PLEKHG5: variants seen among roughly 807,000 people sequenced by gnomAD.
PLEKHG5 encodes pleckstrin homology and RhoGEF domain containing G5.
In PLEKHG5, 52 loss-of-function variants were observed where a neutral mutation model predicts 103.8. That is an observed-to-expected ratio of 0.50 (90% CI 0.40 to 0.63). The LOEUF (loss-of-function observed/expected upper bound fraction) is 0.63. Among genes scored for constraint, PLEKHG5 ranks in the 30% least tolerant of loss-of-function variants. PLEKHG5 has a pLI of 0.00. For missense variants in PLEKHG5, 1,205 were observed against 1,347.6 expected (o/e 0.89, Z 1.66); for synonymous variants, 592 against 575.5 (o/e 1.03, Z -0.41).
Position 6,470,984 on chromosome 1 carries a change from C to T in PLEKHG5, c.1392+6G>A. The T allele has an allele frequency of 3.8e-6, 6 of 1,595,170 alleles. No individual in the cohort carries two copies. Among genetic ancestry groups the T allele is most frequent in the Non-Finnish European group, 5.1e-6 (6 of 1,171,420 alleles). ...GCGCCCCCGCCCACGGCACGCGCGC[C>T]CTCACCGTGATGTAGGCCCGGAAGA... On this transcript the variant is annotated splice_donor_region_variant and intron_variant, in intron 13 of 20. Transcript: ENST00000377728.
At chr1:6,480,761 G>T (rs1644878079) in intron 1 of PLEKHG5, among the ~76,000 whole-genome samples, 1 of 151,344 alleles carries the variant, frequency 6.6e-6, no homozygotes, top group African/African-American at 2.4e-5. Context: ...TGATTCTCCT[G>T]CCTCACCGTC....
intron 1 of PLEKHG5, among the ~76,000 whole-genome samples, chr1:6,508,843 G>A (rs1213983037): frequency 6.6e-6 from 1 of 152,230 alleles, no homozygotes; most frequent in Non-Finnish European, 1.5e-5. Context: ...CAGAGATGGA[G>A]AAGCTGAGGC....
At position 6,474,591 on chromosome 1, in the gene PLEKHG5, C is replaced by T. The variant is rs746297437; in HGVS notation, c.303-4G>A. On this transcript the variant is annotated splice_region_variant and splice_polypyrimidine_tract_variant and intron_variant, in intron 5 of 20. Transcript: ENST00000377728. Reference sequence around the variant, plus strand: ...AAATACAGGCAGCAGCACCTCCCTGCCCCCAGGACAGGAGGCATGTGTGTT... The same window carrying T: ...AAATACAGGCAGCAGCACCTCCCTGTCCCCAGGACAGGAGGCATGTGTGTT... 1 of 1,613,184 alleles carries T rather than the reference C, an allele frequency of 6.2e-7. No homozygotes were observed. Among genetic ancestry groups the T allele is most frequent in the Admixed American group, 1.7e-5 (1 of 60,016 alleles).
At chr1:6,469,473 A>G in intron 17 of PLEKHG5, 23 bp from the exon 18 acceptor site, 1 of 1,613,486 alleles carries the variant, frequency 6.2e-7, no homozygotes, top group East Asian at 2.2e-5. Flanking sequence ...GGCCCAAGTC[A>G]GTGTCAGCAG....
At chr1:6,508,244 A>C (rs1638378879) in intron 1 of PLEKHG5, among the ~76,000 whole-genome samples, 2 of 152,168 alleles carry the variant, frequency 1.3e-5, no homozygotes, top group African/African-American at 4.8e-5. Flanking sequence ...GAGGGGCTGC[A>C]GCCCTGGATG....
At chr1:6,482,771 T>C (rs903510137) in intron 1 of PLEKHG5, among the ~76,000 whole-genome samples, 1 of 152,204 alleles carries the variant, frequency 6.6e-6, no homozygotes, top group Non-Finnish European at 1.5e-5. Context: ...AGCAGTGGCA[T>C]GATCTTGGCT....
chr1:6,468,783 C>T (rs1316738372), intron 19 of PLEKHG5, among the ~76,000 whole-genome samples, 197 bp from the exon 20 acceptor site: 1 of 152,226 alleles, frequency 6.6e-6, no homozygotes, highest in Non-Finnish European at 1.5e-5. Flanking sequence ...GCCCAGCACT[C>T]TTCCCTGCCA....
chr1:6,518,431 A>G (rs1364475450), intron 1 of PLEKHG5, among the ~76,000 whole-genome samples: 2 of 151,416 alleles, frequency 1.3e-5, no homozygotes, highest in Non-Finnish European at 2.9e-5. Context: ...TTGATGGCGC[A>G]TGCCTGTAAT....
chr1:6,476,915 G>A (rs1644778542), intron 2 of PLEKHG5, among the ~76,000 whole-genome samples: 1 of 151,374 alleles, frequency 6.6e-6, no homozygotes, highest in South Asian at 2.1e-4. Context: ...CACCACACCT[G>A]GCTAATTTTT....
At chr1:6,514,110 C>T (rs191101270) in intron 1 of PLEKHG5, among the ~76,000 whole-genome samples, 1 of 152,188 alleles carries the variant, frequency 6.6e-6, no homozygotes, top group East Asian at 1.9e-4. Flanking sequence ...ACTCCTTGAC[C>T]CTAGAGTTCA....
chr1:6,492,618 C>T (rs1472443662), upstream of PLEKHG5, among the ~76,000 whole-genome samples: 1 of 152,136 alleles, frequency 6.6e-6, no homozygotes, highest in African/African-American at 2.4e-5. Flanking sequence ...CACACCTACG[C>T]TGTGCTAGGC....
chr1:6,467,206 C>A lies in PLEKHG5; in HGVS notation c.*357G>T. 1 of 483,204 alleles carries A rather than the reference C, an allele frequency of 2.1e-6. No homozygotes were observed. The highest frequency in any genetic ancestry group is 3.8e-6 in the Non-Finnish European group (1 of 261,798). 29.9% of individuals were successfully genotyped at this position (483,204 alleles called of 1,614,324 possible). A position where few individuals can be genotyped will look rare whatever the true frequency, so the allele number is the denominator to read the frequency against. On this transcript the variant is annotated 3_prime_UTR_variant, in exon 21 of 21. Coordinates refer to ENST00000377728, the MANE Select transcript of PLEKHG5 (RefSeq NM_020631.6). Reference sequence around the variant, plus strand: ...GAACCCAGCCCAAGCCAGGGGTGGCCTGTGGGACTGGGAAGGTGGGGGCAG... The same window carrying A: ...GAACCCAGCCCAAGCCAGGGGTGGCATGTGGGACTGGGAAGGTGGGGGCAG...
At chr1:6,515,856 A>C (rs1007599323) in intron 1 of PLEKHG5, among the ~76,000 whole-genome samples, 1 of 152,180 alleles carries the variant, frequency 6.6e-6, no homozygotes, top group Non-Finnish European at 1.5e-5. Context: ...CAGCAATGTG[A>C]GTGGACAAGA....
intron 1 of PLEKHG5, among the ~76,000 whole-genome samples, chr1:6,511,954 C>T (rs564410109): frequency 6.6e-6 from 1 of 152,356 alleles, no homozygotes; most frequent in Non-Finnish European, 1.5e-5. Flanking sequence ...CCTGCTGGGC[C>T]AGGGACCCTC....
Position 6,481,562 on chromosome 1 carries a change from AATAT to A in PLEKHG5, c.-87-3908_-87-3905del, listed in dbSNP as rs1413713197. Reference sequence around the variant, plus strand: ...AAATAAATAAATAAATAAATAAATAAATATATAAGTAAATAAAAAGGCCAGGCGC... The same window carrying A: ...AAATAAATAAATAAATAAATAAATAAATAAGTAAATAAAAAGGCCAGGCGC... On this transcript the variant is annotated intron_variant, in intron 1 of 20. Coordinates refer to ENST00000377728, the MANE Select transcript of PLEKHG5 (RefSeq NM_020631.6). Among the ~76,000 whole-genome samples the A allele has an allele frequency of 2.6e-3, 382 of 146,756 alleles. 3 individuals are homozygous for A. Among genetic ancestry groups the A allele is most frequent in the Non-Finnish European group, 4.0e-3 (266 of 67,002 alleles).
In PLEKHG5 at chr1:6,468,543, C is replaced by G. The variant is rs532817130; in HGVS notation, c.2293G>C (p.Glu765Gln). Reference sequence around the variant, plus strand: ...GGGGAGGACAGCGTGTCCCCAGGCTCTACCACAACCATGGCCAGGGTCTCC... The same window carrying G: ...GGGGAGGACAGCGTGTCCCCAGGCTGTACCACAACCATGGCCAGGGTCTCC... ...STETLAMVVV[E>Q]PGDTLSSPEF... The change falls in exon 20 of 21, where the codon GAG becomes CAG. Residue 765 changes from glutamate (E) to glutamine (Q), a missense_variant. Physicochemically the swap from Glu to Gln is conservative, Grantham distance 29 (BLOSUM62 2). Transcript: ENST00000377728. The G allele has an allele frequency of 5.3e-5, 85 of 1,613,018 alleles. 1 individual carries two copies. In the South Asian group the frequency reaches 8.9e-4, roughly 17 times the overall value.
At chr1:6,471,959 C>T (rs1011249554) in intron 10 of PLEKHG5, 151 bp from the exon 11 acceptor site, 5 of 793,756 alleles carry the variant, frequency 6.3e-6, no homozygotes, top group African/African-American at 1.7e-5. Flanking sequence ...ACCCTTTGGC[C>T]TTCGCACCTG....
rs890954595 is a variant in PLEKHG5 at position 6,474,783 on chromosome 1, G to A, written c.303-196C>T. The A allele has an allele frequency of 1.9e-5, 13 of 668,134 alleles. No homozygotes were observed. In the African/African-American group the frequency reaches 2.3e-4, roughly 12 times the overall value. 41.4% of individuals were successfully genotyped at this position (668,134 alleles called of 1,614,324 possible). A position where few individuals can be genotyped will look rare whatever the true frequency, so the allele number is the denominator to read the frequency against. On this transcript the variant is annotated intron_variant, in intron 5 of 20. Coordinates refer to ENST00000377728, the MANE Select transcript of PLEKHG5 (RefSeq NM_020631.6). ...CAGAGGTGCTCACACAGGCGCATCT[G>A]CATACCACGGCAGACCTGTCACACG...
Position 6,475,979 on chromosome 1 carries a change from G to A in PLEKHG5, c.101C>T (p.Ala34Val). Residue 34 changes from alanine to valine, a missense_variant, in exon 3 of 21, where the codon GCA (alanine) becomes GTA (valine). Transcript: ENST00000377728. The stretch of plus-strand genomic sequence containing the variant: ...CTCCTCCTCCTCCTCCAAGTCCACT[G>A]CGGGGCTGGTGCGCGGCGGGCATGA... ...TRSCPPRTSP[A>V]VDLEEEEEES... The A allele has an allele frequency of 6.2e-7, 1 of 1,613,974 alleles. No homozygotes were observed. Among genetic ancestry groups the A allele is most frequent in the Non-Finnish European group, 8.5e-7 (1 of 1,180,024 alleles).
Sources: allele counts gnomAD v4.1 joint callset (sites outside exome capture counted in the v4.1 genomes callset), GRCh38; gene constraint gnomAD v4.1.1; transcripts MANE v1.5; gene names NCBI Gene and HGNC (gene_info 2026-07-23, HGNC 2026-07-21).